Variants in BTNL9 observed in about 807,000 individuals in gnomAD.
BTNL9 encodes the protein butyrophilin like 9.
In BTNL9, 45 loss-of-function variants were observed where a neutral mutation model predicts 45.8. The ratio of observed to expected loss-of-function variants is 0.98; its 90% CI spans 0.77 to 1.26. The LOEUF is 1.26. BTNL9 is among the 50% of genes most tolerant of loss of function. BTNL9 has a pLI of 0.00. For synonymous variants in BTNL9, 346 were observed against 330.8 expected (o/e 1.05, Z -0.50); for missense variants, 784 against 729.7 (o/e 1.07, Z -0.86).
At position 181,054,246 on chromosome 5, in the gene BTNL9, CACTG is replaced by C. The variant is rs1761756106; in HGVS notation, c.895_898del (p.Thr299GlnfsTer31). ...TTTTTTTTTTTTCTCTAGAGAAACT[CACTG>C]CAGAGCTGGGTAAGTTCTGGGTGCG... On this transcript the variant is annotated frameshift_variant, in exon 7 of 11. Coordinates refer to ENST00000327705, the MANE Select transcript of BTNL9 (RefSeq NM_152547.5). LOFTEE classifies it high-confidence loss of function. The C allele has an allele frequency of 1.9e-6, 3 of 1,605,500 alleles. No homozygotes were observed. The highest frequency in any genetic ancestry group is 2.7e-5 in the African/African-American group (2 of 73,544).
intron 6 of BTNL9, chr5:181,054,017 C>G (rs553414420): frequency 5.2e-6 from 8 of 1,540,814 alleles, no homozygotes; most frequent in Non-Finnish European, 6.1e-6. Flanking sequence ...AGGGAGGGCG[C>G]TGGGTCACCC....
At position 181,055,464 on chromosome 5, in the gene BTNL9, C is replaced by T. The variant is rs769988503; in HGVS notation, c.928+11C>T. On this transcript the variant is annotated intron_variant, in intron 8 of 10. Coordinates refer to ENST00000327705, the MANE Select transcript of BTNL9 (RefSeq NM_152547.5). This position sits in a 1 kb window ranked among gnomAD's most constrained non-coding sequence, Gnocchi z 4.4. The stretch of plus-strand genomic sequence containing the variant: ...TTCAGACAGAGCTTGGTAAGTGACC[C>T]CTCTTAGAACTATTTCTCCTCAGGG... The T allele has an allele frequency of 1.9e-6, 3 of 1,614,050 alleles. No homozygotes were observed. The highest frequency in any genetic ancestry group is 2.7e-5 in the African/African-American group (2 of 75,026).
At position 181,042,329 on chromosome 5, in the gene BTNL9, A is replaced by C. The variant is rs1020470967; in HGVS notation, c.-24+1897A>C. Among the ~76,000 whole-genome samples the C allele has an allele frequency of 1.3e-5, 2 of 152,006 alleles. No homozygotes were observed. Among genetic ancestry groups the C allele is most frequent in the Non-Finnish European group, 2.9e-5 (2 of 68,016 alleles). On this transcript the variant is annotated intron_variant, in intron 1 of 10. Coordinates refer to ENST00000327705, the MANE Select transcript of BTNL9 (RefSeq NM_152547.5). This position sits in a 1 kb window ranked among gnomAD's most constrained non-coding sequence, Gnocchi z 4.5. ...ACACTGGGTTTTCCTTCTTCCCCAA[A>C]TATCCGACGCGTCCAGTCCCTTACT...
rs1185695484 is a variant in BTNL9, at chr5:181,050,833, A to C, written c.736+464A>C. 6.6e-6 allele frequency among the ~76,000 whole-genome samples: 1 copy of C among 152,178 alleles called. No homozygotes were observed. Among genetic ancestry groups the C allele is most frequent in the Non-Finnish European group, 1.5e-5 (1 of 68,010 alleles). ...GCCGGGTGCAGTGGCTCACGCCTGTAATCCCAGCACTTTGGGAGGCCAAGG... is the reference window on the plus strand; with the variant it reads ...GCCGGGTGCAGTGGCTCACGCCTGTCATCCCAGCACTTTGGGAGGCCAAGG... On this transcript the variant is annotated intron_variant, in intron 4 of 10. Transcript: ENST00000327705. The surrounding 1 kb of genome is among the most constrained non-coding windows in gnomAD (Gnocchi z 4.9).
At position 181,053,360 on chromosome 5, in the gene BTNL9, C is replaced by G. The variant is rs1761681531; in HGVS notation, c.853+44C>G. 6.6e-7 allele frequency: 1 copy of G among 1,524,682 alleles called. No homozygotes were observed. Among genetic ancestry groups the G allele is most frequent in the Middle Eastern group, 2.1e-4 (1 of 4,776 alleles). 94.4% of individuals were successfully genotyped at this position (1,524,682 alleles called of 1,614,324 possible). A position where few individuals can be genotyped will look rare whatever the true frequency, so the allele number is the denominator to read the frequency against. On this transcript the variant is annotated intron_variant, in intron 5 of 10. Coordinates refer to ENST00000327705, the MANE Select transcript of BTNL9 (RefSeq NM_152547.5). The surrounding 1 kb of genome is among the most constrained non-coding windows in gnomAD (Gnocchi z 6.5). ...GGGCGGGGAGGGGCACCGGCCGGTG[C>G]TGAACCCCGGGGCCGCGGAGGCGCC...
Position 181,050,339 on chromosome 5 carries a change from C to G in BTNL9, c.706C>G (p.Gln236Glu). The G allele has an allele frequency of 6.2e-7, 1 of 1,614,086 alleles. No homozygotes were observed. The highest frequency in any genetic ancestry group is 8.5e-7 in the Non-Finnish European group (1 of 1,180,034). ...CTCCATCCAGAATCTCCTCTTGAGC[C>G]AGAAGAAAGAGTTGGTGGTCCAGAT... ...SVSIQNLLLS[Q>E]KKELVVQIAD... Residue 236 changes from glutamine to glutamate, a missense_variant, in exon 4 of 11, where the codon CAG becomes GAG. Transcript: ENST00000327705. The surrounding 1 kb of genome is among the most constrained non-coding windows in gnomAD (Gnocchi z 4.9).
intron 3 of BTNL9, 115 bp downstream of exon 3, chr5:181,048,386 G>C (rs1761305053): frequency 1.1e-6 from 1 of 949,830 alleles, no homozygotes; most frequent in Admixed American, 2.9e-5. Context: ...AAACATAAAA[G>C]CTGATGGATA....
intron 7 of BTNL9, chr5:181,054,988 T>G (rs992570584): frequency 1.0e-6 from 1 of 985,476 alleles, no homozygotes; most frequent in Non-Finnish European, 1.2e-6. Flanking sequence ...GTTGGAGTCC[T>G]TGGTAATTAT....
intron 1 of BTNL9, 70 bp from the exon 2 acceptor site, chr5:181,045,397 G>C (rs553994701): frequency 2.5e-6 from 2 of 812,258 alleles, no homozygotes; most frequent in South Asian, 1.4e-5. Context: ...CAGACTTCAG[G>C]TCTGATGGAG....
chr5:181,052,934 G>C (rs1411439024), intron 4 of BTNL9: 1 of 151,440 alleles, frequency 6.6e-6, no homozygotes, highest in African/African-American at 2.4e-5. Context: ...GGGCGAGGGC[G>C]GCGCTGCGGC....
Position 181,051,226 on chromosome 5 carries a change from G to A in BTNL9, c.736+857G>A, listed in dbSNP as rs373438618. Among the ~76,000 whole-genome samples the A allele has an allele frequency of 4.2e-4, 64 of 152,220 alleles. 2 individuals are homozygous for A. The highest frequency in any genetic ancestry group is 1.5e-3 in the African/African-American group (62 of 41,516). On this transcript the variant is annotated intron_variant, in intron 4 of 10. Coordinates refer to ENST00000327705, the MANE Select transcript of BTNL9 (RefSeq NM_152547.5). ...GTGTAGGCAGTGAGCTGAAGGCAAG[G>A]TCATTATTAAAGTCTTATTATGAGG...
rs1055692091 is a variant in BTNL9, at chr5:181,042,795, G to A, written c.-24+2363G>A. Among the ~76,000 whole-genome samples, 9 of 152,164 alleles carry A rather than the reference G, an allele frequency of 5.9e-5. No homozygotes were observed. Among genetic ancestry groups the A allele is most frequent in the Non-Finnish European group, 8.8e-5 (6 of 68,018 alleles). On this transcript the variant is annotated intron_variant, in intron 1 of 10. Coordinates refer to ENST00000327705, the MANE Select transcript of BTNL9 (RefSeq NM_152547.5). The surrounding 1 kb of genome is among the most constrained non-coding windows in gnomAD (Gnocchi z 4.5). ...GTTGGCTGGTTTTGTGGCTGGCACC[G>A]TGTGAGCCGGTCGCTTCTTCAGTGC...
chr5:181,059,634 G>C lies in BTNL9; in HGVS notation c.1380G>C (p.Leu460=). 1 of 1,613,660 alleles carries C rather than the reference G, an allele frequency of 6.2e-7. No homozygotes were observed. The highest frequency in any genetic ancestry group is 8.5e-7 in the Non-Finnish European group (1 of 1,179,954). ...TCCTGGACTACGAGGCCGGAGAGCT[G>C]TCCTTCTTCAACGTGTCCGACGGCT... The part of the protein sequence containing the change: ...GVFLDYEAGE[L]SFFNVSDGSH... The change falls in exon 11 of 11, where the codon CTG becomes CTC. Residue 460 remains leucine, a synonymous_variant. Transcript: ENST00000327705.
intron 4 of BTNL9, among the ~76,000 whole-genome samples, chr5:181,051,772 A>G (rs1165706114): frequency 2.0e-5 from 3 of 152,172 alleles, no homozygotes; most frequent in African/African-American, 7.2e-5. Context: ...CTCTTTTTGC[A>G]CCAGGAAAAA....
At chr5:181,058,462 G>A in intron 10 of BTNL9, 84 bp downstream of exon 10, 1 of 1,597,392 alleles carries the variant, frequency 6.3e-7, no homozygotes, top group East Asian at 2.2e-5. Context: ...GAGATTAGAG[G>A]ACGGGGCTTT....
rs141394896 is a variant in BTNL9 at position 181,048,119 on chromosome 5, G to C, written c.302G>C (p.Arg101Pro). The change falls in exon 3 of 11, where the codon CGG (arginine) becomes CCG (proline). Residue 101 changes from arginine to proline, a missense_variant. Physicochemically the swap from Arg to Pro is moderately radical, Grantham distance 103. Transcript: ENST00000327705. ...CCTGGCAGGCAGATGCCGGCGTTCC[G>C]GAACAGGACCAAGTTGGTCAAGGAC... ...ELPGRQMPAFRNRTKLVKDDI... is the reference protein window; with the variant it reads ...ELPGRQMPAFPNRTKLVKDDI... 7 of 1,613,474 alleles carry C rather than the reference G, an allele frequency of 4.3e-6. No individual in the cohort carries two copies. In the African/African-American group the frequency reaches 8.0e-5, roughly 18 times the overall value.
At chr5:181,059,068 C>A in intron 10 of BTNL9, 169 bp from the exon 11 acceptor site, 1 of 720,166 alleles carries the variant, frequency 1.4e-6, no homozygotes, top group Non-Finnish European at 1.7e-6. Context: ...GTGACTGACA[C>A]ATGCCACTTC....
chr5:181,059,114 G>C, intron 10 of BTNL9, 123 bp from the exon 11 acceptor site: 1 of 1,399,492 alleles, frequency 7.1e-7, no homozygotes, highest in Non-Finnish European at 9.3e-7. Flanking sequence ...GTGAGGGTCG[G>C]GGTAAGGGGT....
chr5:181,054,624 C>T (rs1352356348), intron 7 of BTNL9: 4 of 985,372 alleles, frequency 4.1e-6, no homozygotes, highest in Non-Finnish European at 4.8e-6. Context: ...AATAATTTCT[C>T]AGATCCACTT....
Sources: allele counts gnomAD v4.1 joint callset (sites outside exome capture counted in the v4.1 genomes callset), GRCh38; gene constraint gnomAD v4.1.1; non-coding constraint Gnocchi (gnomAD v3.1); transcripts MANE v1.5; gene names NCBI Gene and HGNC (gene_info 2026-07-23, HGNC 2026-07-21).